HMBOX1: variants seen among roughly 807,000 people sequenced by gnomAD.
HMBOX1 encodes homeobox-containing protein 1.
A neutral mutation model predicts 54.5 loss-of-function variants in HMBOX1; 14 were observed. The observed-to-expected ratio is 0.26, with a 90% CI of 0.17 to 0.40. HMBOX1 has a LOEUF of 0.40. Among genes scored for constraint, HMBOX1 ranks in the 10% least tolerant of loss-of-function variants. The probability of loss-of-function intolerance (pLI) is 1.00; values close to 1 mark genes in which losing one functional copy is unlikely to be tolerated. For missense variants in HMBOX1, 332 were observed against 514.4 expected (o/e 0.65, Z 3.43); for synonymous variants, 160 against 181.0 (o/e 0.88, Z 0.93).
At chr8:28,968,408 G>A (rs1187528339) in intron 2 of HMBOX1, among the ~76,000 whole-genome samples, 4 of 152,222 alleles carry the variant, frequency 2.6e-5, no homozygotes, top group East Asian at 1.9e-4. Flanking sequence ...GGAGAATGAT[G>A]TGTGCTTTTG....
At chr8:28,965,553 G>C (rs1169296702) in intron 2 of HMBOX1, among the ~76,000 whole-genome samples, 2 of 152,156 alleles carry the variant, frequency 1.3e-5, no homozygotes, top group East Asian at 3.8e-4. Context: ...TCAAGTGAAG[G>C]CTAAAGGTGG....
At chr8:29,017,864 ATAT>A (rs1329855786) in intron 5 of HMBOX1, among the ~76,000 whole-genome samples, 2 of 152,252 alleles carry the variant, frequency 1.3e-5, no homozygotes, top group Admixed American at 6.5e-5. Context: ...GAAGAAATAA[ATAT>A]TAATATCATT....
chr8:29,007,687 G>A (rs1833661095), intron 4 of HMBOX1, among the ~76,000 whole-genome samples: 1 of 152,096 alleles, frequency 6.6e-6, no homozygotes, highest in African/African-American at 2.4e-5. Context: ...ATGTGGTGGG[G>A]CCTGGTACAG....
At chr8:29,015,416 A>G (rs1238964230) in intron 5 of HMBOX1, among the ~76,000 whole-genome samples, 7 of 152,024 alleles carry the variant, frequency 4.6e-5, no homozygotes, top group Non-Finnish European at 8.8e-5. Context: ...TCTTATTTCT[A>G]CCTTTATCTT....
At chr8:29,012,165 A>G (rs1586470392) in intron 5 of HMBOX1, among the ~76,000 whole-genome samples, 1 of 152,226 alleles carries the variant, frequency 6.6e-6, no homozygotes, top group East Asian at 1.9e-4. Flanking sequence ...ATTTATTATA[A>G]AGGCAAATAT....
At chr8:28,982,689 G>T (rs1018060427) in intron 4 of HMBOX1, among the ~76,000 whole-genome samples, 2 of 151,330 alleles carry the variant, frequency 1.3e-5, no homozygotes, top group Non-Finnish European at 2.9e-5. Flanking sequence ...GCAATGGTGC[G>T]ATCTCAGCTC....
At chr8:28,935,431 G>A (rs991800441) in intron 1 of HMBOX1, among the ~76,000 whole-genome samples, 1 of 152,164 alleles carries the variant, frequency 6.6e-6, no homozygotes, top group South Asian at 2.1e-4. Context: ...AATTTTTGGC[G>A]AATATGCTAA....
At chr8:28,918,170 C>A (rs972755994) in intron 1 of HMBOX1, among the ~76,000 whole-genome samples, 1 of 152,076 alleles carries the variant, frequency 6.6e-6, no homozygotes, top group Non-Finnish European at 1.5e-5. Flanking sequence ...ACTCAGTTTC[C>A]TTAAGAGCTA....
chr8:29,047,631 G>A (rs1176968630), intron 8 of HMBOX1, among the ~76,000 whole-genome samples, 178 bp downstream of exon 8: 3 of 148,078 alleles, frequency 2.0e-5, no homozygotes, highest in Admixed American at 6.8e-5. Context: ...GCAGTGGCGC[G>A]ATGTTGGCTG....
chr8:28,929,138 T>A (rs554815480), intron 1 of HMBOX1, among the ~76,000 whole-genome samples: 3 of 152,208 alleles, frequency 2.0e-5, no homozygotes, highest in African/African-American at 7.2e-5. Context: ...TTGTCTCTTA[T>A]GCCCCAATAA....
At chr8:28,892,079 C>G (rs750555678) in intron 1 of HMBOX1, among the ~76,000 whole-genome samples, 66 of 152,052 alleles carry the variant, frequency 4.3e-4, no homozygotes, top group Non-Finnish European at 1.2e-4. Context: ...ATAATACCGC[C>G]TGTGTCTTTT....
intron 5 of HMBOX1, chr8:29,009,667 G>GT: frequency 1.6e-6 from 2 of 1,281,078 alleles, no homozygotes. Flanking sequence ...GGTAATGGAT[G>GT]TATCTTTGGA....
At chr8:29,012,172 A>G (rs1363457988) in intron 5 of HMBOX1, among the ~76,000 whole-genome samples, 1 of 152,242 alleles carries the variant, frequency 6.6e-6, no homozygotes, top group Admixed American at 6.5e-5. Context: ...ATAAAGGCAA[A>G]TATCACATAG....
At chr8:28,923,482 C>T (rs1201640785) in intron 1 of HMBOX1, among the ~76,000 whole-genome samples, 1 of 152,196 alleles carries the variant, frequency 6.6e-6, no homozygotes, top group Non-Finnish European at 1.5e-5. Context: ...TACATTTGAA[C>T]ACCTGTTTCC....
At chr8:28,932,816 G>A (rs1819689075) in intron 1 of HMBOX1, among the ~76,000 whole-genome samples, 1 of 152,154 alleles carries the variant, frequency 6.6e-6, no homozygotes, top group Non-Finnish European at 1.5e-5. Flanking sequence ...GGTGCAAAAT[G>A]GCCTTAACTA....
In HMBOX1 at chr8:29,051,218, C is replaced by T. The variant is rs929571685; in HGVS notation, c.*63C>T. ...ACGTAGCACCTTAGCAGACTTTCCT[C>T]GGTCCTTAACATGTGTTCTTACAGT... is the stretch of plus-strand genomic sequence containing the variant. On this transcript the variant is annotated 3_prime_UTR_variant, in exon 10 of 10. Coordinates refer to ENST00000287701, the MANE Select transcript of HMBOX1 (RefSeq NM_001135726.3). The T allele has an allele frequency of 1.5e-5, 23 of 1,552,330 alleles. No homozygotes were observed. Among genetic ancestry groups the T allele is most frequent in the East Asian group, 9.0e-5 (4 of 44,606 alleles).
At chr8:28,944,314 T>C (rs904722291) in intron 1 of HMBOX1, among the ~76,000 whole-genome samples, 1 of 152,196 alleles carries the variant, frequency 6.6e-6, no homozygotes, top group African/African-American at 2.4e-5. Context: ...TTTTAGTAAC[T>C]AGGAACAGAA....
intron 1 of HMBOX1, among the ~76,000 whole-genome samples, chr8:28,912,351 G>A (rs781275409): frequency 6.6e-6 from 1 of 151,944 alleles, no homozygotes; most frequent in Non-Finnish European, 1.5e-5. Context: ...GAAGAATCTC[G>A]AGTGTTTCCC....
chr8:28,938,448 G>GT (rs1247844333), intron 1 of HMBOX1, among the ~76,000 whole-genome samples: 3 of 151,948 alleles, frequency 2.0e-5, no homozygotes, highest in Non-Finnish European at 4.4e-5. Flanking sequence ...GTTATTTTTA[G>GT]TTTTTTAAGA....
Sources: gnomAD v4.1 joint callset for allele counts (sites outside exome capture counted in the v4.1 genomes callset) on GRCh38, gnomAD v4.1.1 for gene constraint, MANE v1.5 for transcripts, NCBI Gene and HGNC (gene_info 2026-07-23, HGNC 2026-07-21) for gene names.